The following CRIM1 variants were observed in gnomAD, a reference collection of about 807,000 sequenced individuals.
CRIM1 encodes the protein cysteine rich transmembrane BMP regulator 1, also known as cysteine-rich motor neuron 1 protein.
CRIM1 carries 32 observed loss-of-function variants against 116.4 expected under a neutral mutation model. That is an observed-to-expected ratio of 0.27 (90% CI 0.21 to 0.37). The LOEUF (loss-of-function observed/expected upper bound fraction) is 0.37. CRIM1 is among the 10% of genes least tolerant of loss of function. The pLI, the probability that CRIM1 is intolerant of heterozygous loss-of-function variation, is 1.00. For synonymous variants in CRIM1, 590 were observed against 509.2 expected (o/e 1.16, Z -2.13); for missense variants, 1,331 against 1,354.8 (o/e 0.98, Z 0.28).
chr2:36,544,456 T>G lies in CRIM1; in HGVS notation c.2704T>G (p.Trp902Gly). The change falls in exon 15 of 17, where the codon TGG becomes GGG. Residue 902 changes from tryptophan to glycine, a missense_variant. Transcript: ENST00000280527. ...AGAGGTTGACCTGGAGGTTCCCCTG[T>G]GGCCCACGCCTAGTGAAAATGATAT... ...RGEVDLEVPL[W>G]PTPSENDIVH... is the part of the protein sequence containing the mutation. The G allele has an allele frequency of 7.1e-7, 1 of 1,415,272 alleles. No homozygotes were observed. Among genetic ancestry groups the G allele is most frequent in the Non-Finnish European group, 9.3e-7 (1 of 1,078,056 alleles). The allele number at this position is 1,415,272 out of a possible 1,614,324, so 87.7% of individuals were successfully genotyped here. A position where few individuals can be genotyped will look rare whatever the true frequency, so the allele number is the denominator to read the frequency against.
intron 6 of CRIM1, 152 bp from the exon 7 acceptor site, chr2:36,479,345 A>T: frequency 2.9e-6 from 2 of 686,246 alleles, no homozygotes; most frequent in Non-Finnish European, 5.0e-6. Flanking sequence ...ATGCACCCCC[A>T]GAGACTCCTC....
At chr2:36,446,709 T>C (rs1676268304) in intron 4 of CRIM1, among the ~76,000 whole-genome samples, 1 of 152,152 alleles carries the variant, frequency 6.6e-6, no homozygotes, top group African/African-American at 2.4e-5. Context: ...TCTGTTGGCA[T>C]GAAGACATGA....
intron 4 of CRIM1, among the ~76,000 whole-genome samples, chr2:36,451,815 G>C (rs1676749899): frequency 6.6e-6 from 1 of 152,146 alleles, no homozygotes; most frequent in African/African-American, 2.4e-5. Flanking sequence ...ACTTCCTGAG[G>C]GTGGCTTGGA....
At chr2:36,454,319 C>T (rs554636315) in intron 4 of CRIM1, among the ~76,000 whole-genome samples, 6 of 152,258 alleles carry the variant, frequency 3.9e-5, no homozygotes, top group African/African-American at 1.4e-4. Flanking sequence ...CCCACTCCCC[C>T]ACATTTGATG....
At chr2:36,517,563 T>C in intron 12 of CRIM1, 21 bp downstream of exon 12, 1 of 1,598,204 alleles carries the variant, frequency 6.3e-7, no homozygotes, top group South Asian at 1.1e-5. Context: ...CCATGCCTTG[T>C]GGGTGCTTGG....
rs912267254 is a variant in CRIM1 at position 36,442,597 on chromosome 2, T to G, written c.749-18T>G. On this transcript the variant is annotated intron_variant, in intron 3 of 16. Transcript: ENST00000280527. ...TAAATATAACAATAAACGGTGCCTC[T>G]CTGTTTGCCCCTTTCAGTTTTCGGC... 3 of 1,613,966 alleles carry G rather than the reference T, an allele frequency of 1.9e-6. No homozygotes were observed. The highest frequency in any genetic ancestry group is 2.5e-6 in the Non-Finnish European group (3 of 1,179,960).
chr2:36,397,917 G>A (rs1300358689), intron 2 of CRIM1, among the ~76,000 whole-genome samples: 2 of 152,144 alleles, frequency 1.3e-5, no homozygotes, highest in Non-Finnish European at 2.9e-5. Flanking sequence ...GAGTTTCCAC[G>A]CATTTGATGA....
In CRIM1 at chr2:36,432,290, C is replaced by T. The variant is rs1161742063; in HGVS notation, c.506-8968C>T. Reference sequence around the variant, plus strand: ...TAGTTCTTTGTACATTTATCTAAACCATCCTTAGGCCTTATTTTATTGCCA... The same window carrying T: ...TAGTTCTTTGTACATTTATCTAAACTATCCTTAGGCCTTATTTTATTGCCA... On this transcript the variant is annotated intron_variant, in intron 2 of 16. Transcript: ENST00000280527. Among the ~76,000 whole-genome samples, 2 of 152,002 alleles carry T rather than the reference C, an allele frequency of 1.3e-5. 1 individual carries two copies. Among genetic ancestry groups the T allele is most frequent in the Admixed American group, 1.3e-4 (2 of 15,268 alleles).
intron 1 of CRIM1, among the ~76,000 whole-genome samples, chr2:36,365,805 C>T (rs1414599393): frequency 6.6e-6 from 1 of 150,510 alleles, no homozygotes; most frequent in East Asian, 2.0e-4. Flanking sequence ...ATGATCTCAG[C>T]TCACTGCAAC....
Position 36,510,144 on chromosome 2 carries a change from G to A in CRIM1, c.1658+5G>A. The A allele has an allele frequency of 2.5e-6, 4 of 1,608,710 alleles. No individual in the cohort carries two copies. The highest frequency in any genetic ancestry group is 1.1e-5 in the South Asian group (1 of 89,918). ...GTATTGTCCACTTGGATTGCTGTAC[G>A]TATTTGTTAATTCAGAAAAGCTATT... On this transcript the variant is annotated splice_donor_5th_base_variant and intron_variant, in intron 9 of 16. Coordinates refer to ENST00000280527, the MANE Select transcript of CRIM1 (RefSeq NM_016441.3).
intron 5 of CRIM1, among the ~76,000 whole-genome samples, chr2:36,471,428 C>G (rs954072474): frequency 5.3e-5 from 8 of 152,106 alleles, no homozygotes; most frequent in Non-Finnish European, 8.8e-5. Context: ...CACAGCCACC[C>G]CAACCTTCAG....
intron 4 of CRIM1, among the ~76,000 whole-genome samples, chr2:36,447,849 G>A (rs773914933): frequency 1.3e-5 from 2 of 152,148 alleles, no homozygotes; most frequent in African/African-American, 2.4e-5. Flanking sequence ...TTTCAGAAAC[G>A]TGATTCTTTT....
rs35408019 is a variant in CRIM1, at chr2:36,370,199, C to CT, written c.331+13593dup. 1.0e-2 allele frequency among the ~76,000 whole-genome samples: 1,270 copies of CT among 127,612 alleles called. 8 individuals carry two copies. Among genetic ancestry groups the CT allele is most frequent in the Admixed American group, 0.023 (288 of 12,596 alleles). 83.7% of individuals were successfully genotyped at this position (127,612 alleles called of 152,430 possible). A position where few individuals can be genotyped will look rare whatever the true frequency, so the allele number is the denominator to read the frequency against. On this transcript the variant is annotated intron_variant, in intron 1 of 16. Coordinates refer to ENST00000280527, the MANE Select transcript of CRIM1 (RefSeq NM_016441.3). Reference sequence around the variant, plus strand: ...TATTTCTTAGTGATTGGGACAAAAGCTTTTTTTTTTTTTTTTTAAATAGTA... The same window carrying CT: ...TATTTCTTAGTGATTGGGACAAAAGCTTTTTTTTTTTTTTTTTTAAATAGTA...
chr2:36,429,506 T>A (rs1168742781), intron 2 of CRIM1, among the ~76,000 whole-genome samples: 2 of 152,176 alleles, frequency 1.3e-5, no homozygotes, highest in Admixed American at 6.5e-5. Context: ...GGACGGCTCT[T>A]GTTCAGGTCC....
At chr2:36,461,158 T>C (rs1368823648) in intron 4 of CRIM1, among the ~76,000 whole-genome samples, 1 of 151,994 alleles carries the variant, frequency 6.6e-6, no homozygotes, top group Non-Finnish European at 1.5e-5. Flanking sequence ...AGCCTTAGGA[T>C]GGGTGTAGCA....
chr2:36,537,674 G>A, intron 14 of CRIM1, 128 bp downstream of exon 14: 2 of 1,039,400 alleles, frequency 1.9e-6, no homozygotes, highest in South Asian at 1.7e-5. Flanking sequence ...GGCCCAGTTA[G>A]CGCCTCCACC....
intron 7 of CRIM1, among the ~76,000 whole-genome samples, chr2:36,497,050 T>G (rs543544946): frequency 2.0e-4 from 31 of 152,338 alleles, no homozygotes; most frequent in African/African-American, 7.0e-4. Flanking sequence ...ATATGATGAT[T>G]ATACATTTTT....
At chr2:36,534,667 A>G (rs1043247985) in intron 13 of CRIM1, among the ~76,000 whole-genome samples, 2 of 150,502 alleles carry the variant, frequency 1.3e-5, no homozygotes, top group African/African-American at 4.9e-5. Context: ...GAAGGAAGGA[A>G]ATACAGGAAG....
Position 36,530,995 on chromosome 2 carries a change from C to T in CRIM1, c.2429-6357C>T, listed in dbSNP as rs574697169. On this transcript the variant is annotated intron_variant, in intron 13 of 16. Coordinates refer to ENST00000280527, the MANE Select transcript of CRIM1 (RefSeq NM_016441.3). ...ACACTTAGGATGACACTCGGGGGGC[C>T]TTGATCTCAATGTGTGGGAAGAACA... Among the ~76,000 whole-genome samples the T allele has an allele frequency of 4.3e-4, 66 of 152,250 alleles. No homozygotes were observed. In the East Asian group the frequency reaches 0.011, roughly 26 times the overall value.
Sources: allele counts gnomAD v4.1 joint callset (sites outside exome capture counted in the v4.1 genomes callset), GRCh38; gene constraint gnomAD v4.1.1; transcripts MANE v1.5; gene names NCBI Gene and HGNC (gene_info 2026-07-23, HGNC 2026-07-21).